The following CEP192 variants were observed in gnomAD, a reference collection of about 807,000 sequenced individuals.
CEP192 encodes the protein centrosomal protein 192.
CEP192 carries 151 observed loss-of-function variants against 271.8 expected under a neutral mutation model. That is an observed-to-expected ratio of 0.56 (90% CI 0.49 to 0.64). The LOEUF is 0.64. Ranked by LOEUF, CEP192 falls within the 30% of genes least tolerant of loss-of-function variation. CEP192 has a pLI of 0.00. For missense variants in CEP192, 2,910 were observed against 3,020.5 expected (o/e 0.96, Z 0.86); for synonymous variants, 995 against 1,076.5 (o/e 0.92, Z 1.48).
chr18:13,085,887 G>A (rs188004605), intron 30 of CEP192, among the ~76,000 whole-genome samples: 16 of 152,062 alleles, frequency 1.1e-4, no homozygotes, highest in African/African-American at 3.6e-4. Context: ...GCTCTTTTTT[G>A]GTTCCATATG....
rs554648503 is a variant in CEP192 at position 12,992,580 on chromosome 18, G to C, written c.-5+1143G>C. On this transcript the variant is annotated intron_variant, in intron 1 of 44. Coordinates refer to ENST00000506447, the MANE Select transcript of CEP192 (RefSeq NM_032142.4). ...AATATTGTCTTCACTTGAGATGATG[G>C]AGGAGGGGTGGGTAATGCAATAATG... is the stretch of plus-strand genomic sequence containing the variant. Among the ~76,000 whole-genome samples the C allele has an allele frequency of 5.3e-5, 8 of 152,274 alleles. No homozygotes were observed. The South Asian group carries it at 1.7e-3, about 32-fold the overall frequency.
At chr18:13,061,903 A>G (rs1442593517) in intron 21 of CEP192, among the ~76,000 whole-genome samples, 1 of 152,202 alleles carries the variant, frequency 6.6e-6, no homozygotes, top group African/African-American at 2.4e-5. Flanking sequence ...ACCACTGAGA[A>G]CTGGTGTTAT....
At position 13,030,015 on chromosome 18, in the gene CEP192, T is replaced by C. The variant is rs1456591750; in HGVS notation, c.1390+13T>C. 1.6e-5 allele frequency: 24 copies of C among 1,512,566 alleles called. No individual in the cohort carries two copies. The highest frequency in any genetic ancestry group is 8.9e-7 in the Non-Finnish European group (1 of 1,120,596). The allele number at this position is 1,512,566 out of a possible 1,614,324, so 93.7% of individuals were successfully genotyped here. Reference sequence around the variant, plus strand: ...AAGAATAAAGACAGTAAGTGGACTTTTTAAAAAATAGAGTGAAAGAAATAG... The same window carrying C: ...AAGAATAAAGACAGTAAGTGGACTTCTTAAAAAATAGAGTGAAAGAAATAG... On this transcript the variant is annotated intron_variant, in intron 10 of 44. Coordinates refer to ENST00000506447, the MANE Select transcript of CEP192 (RefSeq NM_032142.4).
chr18:12,994,817 A>C (rs1599008421), intron 1 of CEP192, among the ~76,000 whole-genome samples: 1 of 152,120 alleles, frequency 6.6e-6, no homozygotes. Context: ...TGAGATCCCT[A>C]GTGTGTAAGA....
rs546240364 is a variant in CEP192 at position 13,122,251 on chromosome 18, G to A, written c.7476-2381G>A. Reference sequence around the variant, plus strand: ...ATCCTGGCCAACATGGTGAAACCCCGTCTCTACTAAAAATACAAAAATTAG... The same window carrying A: ...ATCCTGGCCAACATGGTGAAACCCCATCTCTACTAAAAATACAAAAATTAG... On this transcript the variant is annotated intron_variant, in intron 44 of 44. Coordinates refer to ENST00000506447, the MANE Select transcript of CEP192 (RefSeq NM_032142.4). 9.2e-5 allele frequency among the ~76,000 whole-genome samples: 14 copies of A among 152,314 alleles called. No individual in the cohort carries two copies. The South Asian group carries it at 2.7e-3, about 29-fold the overall frequency.
Position 13,042,312 on chromosome 18 carries a change from C to T in CEP192, c.2045C>T (p.Thr682Met), listed in dbSNP as rs140108328. Residue 682 changes from threonine (T) to methionine (M), a missense_variant, in exon 15 of 45, where the codon ACG (threonine) becomes ATG (methionine). Physicochemically the swap from Thr to Met is moderately conservative, Grantham distance 81. Transcript: ENST00000506447. ...SQVDENDVTL[T>M]ADKGKTEDTF... is the part of the protein sequence containing the mutation. ...GTGGATGAAAATGATGTGACGTTAA[C>T]GGCTGATAAAGGCAAAACAGAGGTA... 6.2e-5 allele frequency: 100 copies of T among 1,613,904 alleles called. 1 individual carries two copies. The East Asian group carries it at 1.0e-3, about 16-fold the overall frequency.
chr18:13,095,473 TA>T, intron 34 of CEP192, 29 bp from the exon 35 acceptor site: 1 of 1,564,732 alleles, frequency 6.4e-7, no homozygotes, highest in Non-Finnish European at 8.7e-7. Context: ...TCTTCATGTC[TA>T]ACTTTTTCAT....
rs765572241 is a variant in CEP192, at chr18:13,056,617, A to T, written c.4027A>T (p.Thr1343Ser). The part of the protein sequence containing the change: ...SNTLNQNLLS[T>S]TKPFPVPSVG... ...TACCTTAAATCAGAACCTGCTAAGC[A>T]CAACAAAACCTTTTCCTGTGCCGTC... The change falls in exon 19 of 45, where the codon ACA (threonine) becomes TCA (serine). Residue 1343 changes from threonine (T) to serine (S), a missense_variant. Transcript: ENST00000506447. 6.2e-7 allele frequency: 1 copy of T among 1,614,200 alleles called. No individual in the cohort carries two copies. Among genetic ancestry groups the T allele is most frequent in the Non-Finnish European group, 8.5e-7 (1 of 1,180,020 alleles).
intron 30 of CEP192, among the ~76,000 whole-genome samples, chr18:13,080,649 C>G (rs1379953824): frequency 6.6e-6 from 1 of 152,184 alleles, no homozygotes; most frequent in Admixed American, 6.5e-5. Flanking sequence ...TGCCTGATTG[C>G]CCTGGCCAGA....
chr18:13,009,443 T>A (rs200776298), intron 4 of CEP192, among the ~76,000 whole-genome samples: 49 of 152,350 alleles, frequency 3.2e-4, no homozygotes, highest in East Asian at 3.1e-3. Flanking sequence ...CTATTTTTTT[T>A]ATAAAACTGA....
chr18:13,085,169 C>T (rs1295660463), intron 30 of CEP192, among the ~76,000 whole-genome samples: 2 of 152,066 alleles, frequency 1.3e-5, no homozygotes, highest in Non-Finnish European at 2.9e-5. Context: ...CTTTTTTTCA[C>T]GTTTGTTGGC....
At position 13,068,389 on chromosome 18, in the gene CEP192, T is replaced by C; in HGVS notation, c.4789T>C (p.Phe1597Leu). 6.2e-7 allele frequency: 1 copy of C among 1,612,898 alleles called. No individual in the cohort carries two copies. Among genetic ancestry groups the C allele is most frequent in the Non-Finnish European group, 8.5e-7 (1 of 1,179,400 alleles). ...AGAATTTCTGATGATTTGGGTTCTT[T>C]TCCATAGTCCAAAGAAACAGATCAG... ...DPEFLMIWVL[F>L]HSPKKQISSS... Residue 1597 changes from phenylalanine (F) to leucine (L), a missense_variant, in exon 24 of 45, where the codon TTC (phenylalanine) becomes CTC (leucine). Physicochemically the swap from Phe to Leu is conservative, Grantham distance 22 (BLOSUM62 0). Coordinates refer to ENST00000506447, the MANE Select transcript of CEP192 (RefSeq NM_032142.4).
chr18:13,046,052 A>C (rs2036458706), intron 15 of CEP192, among the ~76,000 whole-genome samples: 1 of 152,152 alleles, frequency 6.6e-6, no homozygotes, highest in African/African-American at 2.4e-5. Flanking sequence ...GTAATTTATA[A>C]AGAAAAGAGG....
At chr18:13,122,207 A>C (rs1171429349) in intron 44 of CEP192, among the ~76,000 whole-genome samples, 3 of 152,206 alleles carry the variant, frequency 2.0e-5, no homozygotes, top group African/African-American at 7.2e-5. Flanking sequence ...GTGAATCACG[A>C]GGTCAAGAGA....
intron 9 of CEP192, among the ~76,000 whole-genome samples, chr18:13,019,616 A>G (rs1451975846): frequency 6.6e-6 from 1 of 152,040 alleles, no homozygotes; most frequent in Non-Finnish European, 1.5e-5. Flanking sequence ...GCCCTTTTTA[A>G]ATAGTGTTAT....
At chr18:13,041,069 T>TAC in intron 14 of CEP192, 113 bp downstream of exon 14, 1 of 828,900 alleles carries the variant, frequency 1.2e-6, no homozygotes, top group Non-Finnish European at 1.8e-6. Flanking sequence ...TAACACTTTG[T>TAC]AGTTTCTCAG....
intron 15 of CEP192, among the ~76,000 whole-genome samples, chr18:13,047,738 T>C (rs1358368377): frequency 6.6e-6 from 1 of 152,236 alleles, no homozygotes; most frequent in East Asian, 1.9e-4. Flanking sequence ...GTTTCTTAAC[T>C]GTTGGGCCTA....
chr18:13,029,399 C>T (rs2035486039), intron 9 of CEP192, among the ~76,000 whole-genome samples: 1 of 152,122 alleles, frequency 6.6e-6, no homozygotes, highest in Non-Finnish European at 1.5e-5. Context: ...TAATGTAATG[C>T]ACACACAGAG....
At chr18:13,102,951 T>G (rs1355447499) in intron 38 of CEP192, among the ~76,000 whole-genome samples, 1 of 152,204 alleles carries the variant, frequency 6.6e-6, no homozygotes, top group Non-Finnish European at 1.5e-5. Flanking sequence ...GCCCTACGCC[T>G]CCTCCAGGCT....
Sources: allele counts gnomAD v4.1 joint callset (sites outside exome capture counted in the v4.1 genomes callset), GRCh38; gene constraint gnomAD v4.1.1; transcripts MANE v1.5; gene names NCBI Gene and HGNC (gene_info 2026-07-23, HGNC 2026-07-21).